The following SCN9A variants were observed in gnomAD, a reference collection of about 807,000 sequenced individuals.
The protein encoded by SCN9A is sodium voltage-gated channel alpha subunit 9, also known as sodium channel protein type 9 subunit alpha.
A neutral mutation model predicts 187.0 loss-of-function variants in SCN9A; 131 were observed. The ratio of observed to expected loss-of-function variants is 0.70; its 90% CI spans 0.61 to 0.81. The LOEUF (loss-of-function observed/expected upper bound fraction) is 0.81. Among genes scored for constraint, SCN9A ranks in the 30% least tolerant of loss-of-function variants. The pLI is 0.00. For missense variants in SCN9A, 2,252 were observed against 2,396.6 expected (o/e 0.94, Z 1.26); for synonymous variants, 809 against 808.6 (o/e 1.00, Z -0.01).
chr2:166,362,333 T>C (rs1262001142), intron 1 of SCN9A, among the ~76,000 whole-genome samples: 1 of 152,046 alleles, frequency 6.6e-6, no homozygotes, highest in Non-Finnish European at 1.5e-5. Context: ...GCAAGGTATC[T>C]AGGAACCCTC....
intron 1 of SCN9A, among the ~76,000 whole-genome samples, chr2:166,372,643 C>T (rs1052210059): frequency 2.6e-5 from 4 of 152,112 alleles, no homozygotes; most frequent in Non-Finnish European, 4.4e-5. Flanking sequence ...AGAGAGAATA[C>T]ATCTCAGGAT....
Position 166,294,667 on chromosome 2 carries a change from T to A in SCN9A, c.902-5A>T. 3 of 1,596,992 alleles carry A rather than the reference T, an allele frequency of 1.9e-6. No homozygotes were observed. Among genetic ancestry groups the A allele is most frequent in the Non-Finnish European group, 2.6e-6 (3 of 1,169,266 alleles). ...CTTCCAAGTAATAAAAATATTCTGTTGAAGAAGAATTTGAACAGTTATAAC... is the reference window on the plus strand; with the variant it reads ...CTTCCAAGTAATAAAAATATTCTGTAGAAGAAGAATTTGAACAGTTATAAC... On this transcript the variant is annotated splice_region_variant and splice_polypyrimidine_tract_variant and intron_variant, in intron 7 of 26. Transcript: ENST00000642356.
At chr2:166,247,607 C>G (rs530099518) in intron 18 of SCN9A, among the ~76,000 whole-genome samples, 1 of 152,200 alleles carries the variant, frequency 6.6e-6, no homozygotes, top group African/African-American at 2.4e-5. Flanking sequence ...ACCTCTGCCT[C>G]CTGGGTTCAA....
intron 1 of SCN9A, among the ~76,000 whole-genome samples, chr2:166,347,706 G>A (rs1434822789): frequency 6.6e-6 from 1 of 152,100 alleles, no homozygotes; most frequent in Admixed American, 6.5e-5. Flanking sequence ...TTTATATGAA[G>A]TAATCAATAA....
At position 166,219,319 on chromosome 2, in the gene SCN9A, A is replaced by G. The variant is rs143614206; in HGVS notation, c.4398+7248T>C. Among the ~76,000 whole-genome samples, 138 of 152,304 alleles carry G rather than the reference A, an allele frequency of 9.1e-4. 3 individuals are homozygous for G. In the East Asian group the frequency reaches 0.025, roughly 28 times the overall value. ...ATGGCAAAGACATAGAATCAACTCA[A>G]ATGACCATCAGTGATAGACTGGATA... On this transcript the variant is annotated intron_variant, in intron 24 of 26. Coordinates refer to ENST00000642356, the MANE Select transcript of SCN9A (RefSeq NM_001365536.1).
At chr2:166,222,962 A>AC (rs1694680481) in intron 24 of SCN9A, among the ~76,000 whole-genome samples, 6 of 147,472 alleles carry the variant, frequency 4.1e-5, no homozygotes, top group Non-Finnish European at 9.0e-5. Context: ...AAAAAAAAAA[A>AC]AAAAAAAAAA....
chr2:166,339,401 A>G (rs887878138), intron 1 of SCN9A, among the ~76,000 whole-genome samples: 1 of 152,160 alleles, frequency 6.6e-6, no homozygotes, highest in African/African-American at 2.4e-5. Context: ...GGGAATTTCT[A>G]AATTTTTAAT....
chr2:166,215,846 A>C (rs1237554163), intron 24 of SCN9A, among the ~76,000 whole-genome samples: 2 of 151,920 alleles, frequency 1.3e-5, no homozygotes, highest in African/African-American at 4.8e-5. Context: ...ATTCTTCTCA[A>C]ATTCTTCCAA....
intron 1 of SCN9A, among the ~76,000 whole-genome samples, chr2:166,337,363 C>T (rs1268437903): frequency 6.6e-6 from 1 of 152,028 alleles, no homozygotes; most frequent in African/African-American, 2.4e-5. Flanking sequence ...GCCTGGGAGA[C>T]ACAAAGTAGA....
At position 166,308,795 on chromosome 2, in the gene SCN9A, G is replaced by C. The variant is rs189539871; in HGVS notation, c.259-1721C>G. Among the ~76,000 whole-genome samples the C allele has an allele frequency of 2.6e-5, 4 of 151,706 alleles. No homozygotes were observed. The South Asian group carries it at 8.4e-4, about 32-fold the overall frequency. On this transcript the variant is annotated intron_variant, in intron 2 of 26. Transcript: ENST00000642356. ...AACAAAATTAGCCAGGTGTGGTGGC[G>C]GGTACCTGTAGTCCCAGCTACCCTG...
chr2:166,280,617 C>T, intron 13 of SCN9A, 22 bp from the exon 14 acceptor site: 1 of 1,383,464 alleles, frequency 7.2e-7, no homozygotes, highest in East Asian at 2.5e-5. Context: ...AAGCAGAGAA[C>T]ATGGAGTCAG....
intron 1 of SCN9A, among the ~76,000 whole-genome samples, chr2:166,352,592 C>T (rs12992260): frequency 0.26 from 39,887 of 152,098 alleles, 7,920 homozygotes; most frequent in African/African-American, 0.56. Context: ...CGTATATGCA[C>T]CTTCATTAGA....
At chr2:166,230,124 A>G (rs773864094) in intron 21 of SCN9A, among the ~76,000 whole-genome samples, 7 of 151,938 alleles carry the variant, frequency 4.6e-5, no homozygotes, top group Non-Finnish European at 1.0e-4. Flanking sequence ...CAACTATTCA[A>G]CTCTGCCATG....
chr2:166,280,188 T>C (rs1697413261), intron 14 of SCN9A, among the ~76,000 whole-genome samples, 169 bp downstream of exon 14: 1 of 152,166 alleles, frequency 6.6e-6, no homozygotes, highest in Non-Finnish European at 1.5e-5. Context: ...GCACAATTAT[T>C]TTAAAAGACA....
intron 24 of SCN9A, among the ~76,000 whole-genome samples, chr2:166,207,449 G>GTTGTTGTT (rs1465332941): frequency 6.7e-6 from 1 of 149,530 alleles, no homozygotes; most frequent in Non-Finnish European, 1.5e-5. Context: ...TGTTGTTGTT[G>GTTGTTGTT]TTGTTGTTTT....
chr2:166,221,924 AT>A (rs1302541377), intron 24 of SCN9A, among the ~76,000 whole-genome samples: 1 of 152,202 alleles, frequency 6.6e-6, no homozygotes, highest in African/African-American at 2.4e-5. Context: ...ATATAAAAAA[AT>A]AAAATTGAAT....
chr2:166,281,682 C>T lies in SCN9A; in HGVS notation c.2101G>A (p.Glu701Lys). ...SRASILTNTV[E>K]ELEESRQKCP... ...GTAAAAGAAGATTATTACATACCTT[C>T]CACAGTGTTTGTTAATATGCTTGCT... Residue 701 changes from glutamate (E) to lysine (K), a missense_variant, in exon 13 of 27, where the codon GAA becomes AAA. This residue lies in a region of SCN9A where 1,013 missense variants were observed against 997.4 expected (regional missense o/e 1.02). Coordinates refer to ENST00000642356, the MANE Select transcript of SCN9A (RefSeq NM_001365536.1). The T allele has an allele frequency of 6.2e-7, 1 of 1,612,662 alleles. No homozygotes were observed. Among genetic ancestry groups the T allele is most frequent in the Non-Finnish European group, 8.5e-7 (1 of 1,179,158 alleles).
intron 1 of SCN9A, among the ~76,000 whole-genome samples, chr2:166,345,767 A>G (rs907380857): frequency 6.6e-6 from 1 of 152,112 alleles, no homozygotes; most frequent in Admixed American, 6.6e-5. Flanking sequence ...ATTTTCCGCT[A>G]CTACTACCTC....
chr2:166,203,683 T>C (rs1178775971), intron 26 of SCN9A, among the ~76,000 whole-genome samples: 1 of 151,960 alleles, frequency 6.6e-6, no homozygotes, highest in Non-Finnish European at 1.5e-5. Context: ...TAACTAGTTT[T>C]GCAAAGGTAA....
Sources: allele counts gnomAD v4.1 joint callset (sites outside exome capture counted in the v4.1 genomes callset), GRCh38; gene constraint gnomAD v4.1.1; regional missense constraint gnomAD v4.1.1; transcripts MANE v1.5; gene names NCBI Gene and HGNC (gene_info 2026-07-23, HGNC 2026-07-21).